HDGFL3: variants seen among roughly 807,000 people sequenced by gnomAD.
HDGFL3 encodes HDGF like 3.
Under a neutral mutation model 27.6 loss-of-function variants are expected in HDGFL3, and 6 were observed. The observed-to-expected ratio is 0.22, with a 90% CI of 0.12 to 0.43. The LOEUF is 0.43. Ranked by LOEUF, HDGFL3 falls within the 20% of genes least tolerant of loss-of-function variation. The pLI is 1.00. For missense variants in HDGFL3, 207 were observed against 250.1 expected (o/e 0.83, Z 1.16); for synonymous variants, 88 against 88.9 (o/e 0.99, Z 0.05).
intron 5 of HDGFL3, among the ~76,000 whole-genome samples, chr15:83,150,690 G>A (rs1176174363): frequency 6.6e-6 from 1 of 152,170 alleles, no homozygotes; most frequent in African/African-American, 2.4e-5. Flanking sequence ...CCTGTGCTTT[G>A]AAGTTAACAA....
intron 1 of HDGFL3, among the ~76,000 whole-genome samples, chr15:83,202,233 CT>C (rs2037656349): frequency 6.6e-6 from 1 of 152,092 alleles, no homozygotes; most frequent in Admixed American, 6.5e-5. Context: ...AACTATACCC[CT>C]GTGCCTTACA....
intron 1 of HDGFL3, among the ~76,000 whole-genome samples, chr15:83,178,451 C>A (rs1376057150): frequency 6.6e-6 from 1 of 152,094 alleles, no homozygotes; most frequent in Non-Finnish European, 1.5e-5. Flanking sequence ...TTTAAATAAA[C>A]AAAAGTTCCT....
chr15:83,133,277 T>TATC lies in HDGFL3; in HGVS notation c.*5990_*5992dup, dbSNP rs1459235809. On this transcript the variant is annotated 3_prime_UTR_variant, in exon 6 of 6. Transcript: ENST00000299633. ...TACTGTATTAGCAAAAGACCCTGGC[T>TATC]ATCATCCCAATGGTCACCTAAGTTT... 1.3e-5 allele frequency: 2 copies of TATC among 152,260 alleles called. No homozygotes were observed. Among genetic ancestry groups the TATC allele is most frequent in the African/African-American group, 4.8e-5 (2 of 41,466 alleles). 9.4% of individuals were successfully genotyped at this position (152,260 alleles called of 1,614,324 possible). A position where few individuals can be genotyped will look rare whatever the true frequency, so the allele number is the denominator to read the frequency against.
intron 1 of HDGFL3, among the ~76,000 whole-genome samples, chr15:83,171,853 C>G (rs1292524543): frequency 6.6e-6 from 1 of 152,058 alleles, no homozygotes; most frequent in African/African-American, 2.4e-5. Context: ...GATAACAAAC[C>G]TGCACGTTTT....
intron 5 of HDGFL3, among the ~76,000 whole-genome samples, chr15:83,147,399 C>A (rs1380246419): frequency 6.6e-6 from 1 of 152,048 alleles, no homozygotes; most frequent in Non-Finnish European, 1.5e-5. Flanking sequence ...TTCAGCAATT[C>A]TTTCTTACAT....
chr15:83,122,632 C>T (rs1567144723), intron 3 of HDGFL3: 1 of 986,486 alleles, frequency 1.0e-6, no homozygotes, highest in Non-Finnish European at 1.5e-6. Flanking sequence ...TTAATTTGGC[C>T]TCATTAAAAA....
At chr15:83,162,080 C>G (rs560570941) in intron 2 of HDGFL3, among the ~76,000 whole-genome samples, 1 of 152,282 alleles carries the variant, frequency 6.6e-6, no homozygotes, top group East Asian at 1.9e-4. Context: ...TTAAGCTCAC[C>G]TCACTTTTCA....
chr15:83,142,377 A>ACGTT (rs140972415), intron 5 of HDGFL3, among the ~76,000 whole-genome samples: 3,599 of 152,326 alleles, frequency 0.024, 128 homozygotes, highest in African/African-American at 0.082. Context: ...TTTTGTGGGA[A>ACGTT]CATGCATAGA....
chr15:83,163,814 T>G, intron 2 of HDGFL3, 185 bp downstream of exon 2: 1 of 558,824 alleles, frequency 1.8e-6, no homozygotes, highest in South Asian at 2.2e-5. Context: ...AAAGATACGC[T>G]TTTAGTCATA....
At chr15:83,177,993 GT>G in intron 1 of HDGFL3, among the ~76,000 whole-genome samples, 2 of 152,310 alleles carry the variant, frequency 1.3e-5, no homozygotes, top group Middle Eastern at 6.8e-3. Context: ...GAAAAGATTA[GT>G]TTTGTTCATC....
intron 3 of HDGFL3, among the ~76,000 whole-genome samples, chr15:83,121,185 C>T (rs1175403348): frequency 1.3e-5 from 2 of 152,076 alleles, no homozygotes; most frequent in African/African-American, 4.8e-5. Flanking sequence ...TTTCTCCTGC[C>T]TCAGCCTCCC....
At chr15:83,173,531 T>C (rs2037271773) in intron 1 of HDGFL3, among the ~76,000 whole-genome samples, 1 of 152,240 alleles carries the variant, frequency 6.6e-6, no homozygotes, top group Admixed American at 6.5e-5. Context: ...TCTCTTATTT[T>C]CTAGCTACTT....
At chr15:83,164,610 C>A (rs2037145658) in intron 1 of HDGFL3, among the ~76,000 whole-genome samples, 1 of 152,152 alleles carries the variant, frequency 6.6e-6, no homozygotes, top group African/African-American at 2.4e-5. Context: ...TATGTCACTT[C>A]CTTACTTCAA....
chr15:83,197,705 C>T (rs892572476), intron 1 of HDGFL3, among the ~76,000 whole-genome samples: 4 of 152,110 alleles, frequency 2.6e-5, no homozygotes, highest in African/African-American at 7.2e-5. Context: ...AGCCACGGAA[C>T]ACTAGTTTGT....
chr15:83,122,960 G>A, downstream of HDGFL3: 1 of 1,517,964 alleles, frequency 6.6e-7, no homozygotes. Context: ...ATTGAACCAT[G>A]CCTCTGTGGA....
At chr15:83,124,271 GAT>G (rs2035532345), downstream of HDGFL3, among the ~76,000 whole-genome samples, 1 of 152,078 alleles carries the variant, frequency 6.6e-6, no homozygotes, top group Non-Finnish European at 1.5e-5. Context: ...GAAAAATGTA[GAT>G]ATATGTGTGT....
At chr15:83,126,644 T>C (rs2035772267), downstream of HDGFL3, 1 of 839,838 alleles carries the variant, frequency 1.2e-6, no homozygotes, top group African/African-American at 1.7e-5. Flanking sequence ...TGCATACGTT[T>C]TGTTAAACAG....
chr15:83,201,176 GA>G (rs1365712038), intron 1 of HDGFL3, among the ~76,000 whole-genome samples: 1 of 144,372 alleles, frequency 6.9e-6, no homozygotes, highest in African/African-American at 2.7e-5. Context: ...TACCTAGAGT[GA>G]ATGACTAGTT....
chr15:83,204,508 A>C (rs2037693752), intron 1 of HDGFL3, among the ~76,000 whole-genome samples: 2 of 152,204 alleles, frequency 1.3e-5, no homozygotes, highest in African/African-American at 4.8e-5. Context: ...GAGCAAGTAG[A>C]ATGAAATTTA....
Sources: gnomAD v4.1 joint callset for allele counts (sites outside exome capture counted in the v4.1 genomes callset) on GRCh38, gnomAD v4.1.1 for gene constraint, MANE v1.5 for transcripts, NCBI Gene and HGNC (gene_info 2026-07-23, HGNC 2026-07-21) for gene names.